Variants in MAST4 observed in about 807,000 individuals in gnomAD.
MAST4 encodes the protein microtubule-associated serine/threonine-protein kinase 4.
In MAST4, 89 loss-of-function variants were observed where a neutral mutation model predicts 162.7. That is an observed-to-expected ratio of 0.55 (90% CI 0.46 to 0.65). The LOEUF is 0.65. Ranked by LOEUF, MAST4 falls within the 30% of genes least tolerant of loss-of-function variation. The pLI is 0.00. For synonymous variants in MAST4, 1,479 were observed against 1,361.1 expected, an observed-to-expected ratio of 1.09 and a Z score of -1.91; for missense variants, 3,153 against 3,374.0, an observed-to-expected ratio of 0.93 and a Z score of 1.62.
intron 1 of MAST4, among the ~76,000 whole-genome samples, chr5:66,619,088 G>A (rs1743907644): frequency 6.6e-6 from 1 of 152,190 alleles, no homozygotes; most frequent in Non-Finnish European, 1.5e-5. Flanking sequence ...AATAACACTT[G>A]TCTATCTAAT....
At chr5:66,714,146 C>T (rs2149527833) in intron 1 of MAST4, among the ~76,000 whole-genome samples, 1 of 152,354 alleles carries the variant, frequency 6.6e-6, no homozygotes, top group East Asian at 1.9e-4. Context: ...CTGCCTCTCT[C>T]TGGCTACACA....
chr5:66,799,768 T>G (rs552952435), intron 3 of MAST4, among the ~76,000 whole-genome samples: 1 of 152,296 alleles, frequency 6.6e-6, no homozygotes, highest in African/African-American at 2.4e-5. Context: ...ATAGGCAGTT[T>G]AGAGTAATGT....
chr5:66,788,607 C>CCAACCAAAAAAAAAA, intron 2 of MAST4, 63 bp from the exon 3 acceptor site: 4 of 1,373,726 alleles, frequency 2.9e-6, no homozygotes, highest in Non-Finnish European at 4.1e-6. Context: ...CCCCCACCCC[C>CCAACCAAAAAAAAAA]ATTGCAATAA....
intron 21 of MAST4, among the ~76,000 whole-genome samples, chr5:67,143,608 C>T (rs1286022779): frequency 1.3e-5 from 2 of 152,090 alleles, no homozygotes; most frequent in African/African-American, 4.8e-5. Context: ...TTAAAGTGCT[C>T]CGTAGCTTTT....
intron 18 of MAST4, among the ~76,000 whole-genome samples, chr5:67,135,837 G>A (rs1478570332): frequency 1.3e-5 from 2 of 152,204 alleles, no homozygotes; most frequent in African/African-American, 4.8e-5. Context: ...GAAGCTAGAG[G>A]CAGGCACACA....
At chr5:66,634,337 G>A (rs1173062287) in intron 1 of MAST4, among the ~76,000 whole-genome samples, 1 of 151,534 alleles carries the variant, frequency 6.6e-6, no homozygotes, top group East Asian at 2.0e-4. Flanking sequence ...GGGATTGCAG[G>A]TGTGAGCCAC....
At chr5:66,892,155 T>C (rs997526360) in intron 3 of MAST4, among the ~76,000 whole-genome samples, 2 of 152,238 alleles carry the variant, frequency 1.3e-5, no homozygotes, top group Admixed American at 1.3e-4. Flanking sequence ...TTAAACCAAT[T>C]ACTTTGATGA....
At chr5:66,958,481 A>G (rs1289294209) in intron 4 of MAST4, among the ~76,000 whole-genome samples, 2 of 152,222 alleles carry the variant, frequency 1.3e-5, no homozygotes, top group African/African-American at 4.8e-5. Context: ...TAAAGTATAC[A>G]GCACTGCGAT....
chr5:66,762,555 C>A (rs534938651), intron 2 of MAST4, among the ~76,000 whole-genome samples: 1 of 152,278 alleles, frequency 6.6e-6, no homozygotes, highest in African/African-American at 2.4e-5. Flanking sequence ...AGGCTAGTGT[C>A]AGATGTTGGA....
intron 4 of MAST4, among the ~76,000 whole-genome samples, chr5:66,976,637 G>A (rs1748177477): frequency 6.6e-6 from 1 of 152,212 alleles, no homozygotes; most frequent in African/African-American, 2.4e-5. Context: ...GCTCATCTGG[G>A]AACCAGGAGA....
At chr5:66,782,470 A>G (rs1243409563) in intron 2 of MAST4, among the ~76,000 whole-genome samples, 1 of 152,200 alleles carries the variant, frequency 6.6e-6, no homozygotes, top group East Asian at 1.9e-4. Context: ...TAAAACAGCA[A>G]AAATAACCAG....
intron 26 of MAST4, 52 bp downstream of exon 26, chr5:67,153,632 G>T: frequency 6.7e-7 from 1 of 1,494,914 alleles, no homozygotes; most frequent in Non-Finnish European, 9.0e-7. Context: ...CAGCCCAAAG[G>T]GGCTAGTACC....
chr5:67,165,313 A>G lies in MAST4; in HGVS notation c.6134A>G (p.Lys2045Arg), dbSNP rs766077003. ...AWAPGGKTNH[K>R]DGPGEARPPP... The stretch of plus-strand genomic sequence containing the variant: ...GCGCCGGGTGGGAAAACGAACCACA[A>G]AGATGGCCCAGGTGAGGCGAGGCCC... Residue 2045 changes from lysine to arginine, a missense_variant, in exon 29 of 29, where the codon AAA (lysine) becomes AGA (arginine). This residue lies in a region of MAST4 where 1,644 missense variants were observed against 1,495.0 expected (regional missense o/e 1.10). Coordinates refer to ENST00000403625, the MANE Select transcript of MAST4 (RefSeq NM_001164664.2). 16 of 1,613,474 alleles carry G rather than the reference A, an allele frequency of 9.9e-6. No individual in the cohort carries two copies. In the African/African-American group the frequency reaches 1.9e-4, roughly 19 times the overall value.
intron 3 of MAST4, among the ~76,000 whole-genome samples, chr5:66,874,681 C>T (rs577144763): frequency 1.6e-4 from 24 of 152,210 alleles, no homozygotes; most frequent in African/African-American, 5.1e-4. Flanking sequence ...TACATGGTTT[C>T]GGTCTGCTGT....
intron 4 of MAST4, among the ~76,000 whole-genome samples, chr5:66,979,274 G>T (rs1291325600): frequency 6.6e-6 from 1 of 152,134 alleles, no homozygotes; most frequent in Non-Finnish European, 1.5e-5. Flanking sequence ...GGTGTAGGAG[G>T]TGTCAACAGA....
Position 67,167,264 on chromosome 5 carries a change from CAAAAAAAAAAA to C in MAST4, c.*232_*242del, listed in dbSNP as rs34486167. 2.9e-3 allele frequency: 228 copies of C among 79,454 alleles called. 2 individuals are homozygous for C. The highest frequency in any genetic ancestry group is 0.023 in the East Asian group (59 of 2,534). The allele number at this position is 79,454 out of a possible 1,614,324, so 4.9% of individuals were successfully genotyped here. A position where few individuals can be genotyped will look rare whatever the true frequency, so the allele number is the denominator to read the frequency against. ...AAACTGTTACCAGATAGTGTTTGTA[CAAAAAAAAAAA>C]AAAAAAAAAAAAAAAAAATTACCTT... On this transcript the variant is annotated 3_prime_UTR_variant, in exon 29 of 29. Coordinates refer to ENST00000403625, the MANE Select transcript of MAST4 (RefSeq NM_001164664.2).
intron 4 of MAST4, among the ~76,000 whole-genome samples, chr5:66,926,287 C>T (rs1282341400): frequency 6.6e-6 from 1 of 152,138 alleles, no homozygotes. Context: ...GTGGCTCATG[C>T]CTGTAATCCC....
intron 3 of MAST4, among the ~76,000 whole-genome samples, chr5:66,849,501 A>C (rs1759143671): frequency 6.7e-6 from 1 of 149,230 alleles, no homozygotes; most frequent in African/African-American, 2.5e-5. Flanking sequence ...TTTTTCATTT[A>C]CTCCATCTCC....
At chr5:66,960,598 G>A (rs1423463) in intron 4 of MAST4, among the ~76,000 whole-genome samples, 24,420 of 151,812 alleles carry the variant, frequency 0.16, 3,427 homozygotes, top group African/African-American at 0.38. Flanking sequence ...CCATAGCTCT[G>A]TGTTTAAAAC....
Sources: gnomAD v4.1 joint callset for allele counts (sites outside exome capture counted in the v4.1 genomes callset) on GRCh38, gnomAD v4.1.1 for gene constraint, gnomAD v4.1.1 regional missense constraint, MANE v1.5 for transcripts, NCBI Gene and HGNC (gene_info 2026-07-23, HGNC 2026-07-21) for gene names.